EXOC5: variants seen among roughly 807,000 people sequenced by gnomAD.
The protein encoded by EXOC5 is exocyst complex component 5.
In EXOC5, 17 loss-of-function variants were observed where a neutral mutation model predicts 90.8. The observed-to-expected ratio is 0.19, with a 90% CI of 0.13 to 0.28. The LOEUF (loss-of-function observed/expected upper bound fraction) is 0.28, where lower values mean the gene tolerates loss of function less well. Among genes scored for constraint, EXOC5 ranks in the 10% least tolerant of loss-of-function variants. The pLI is 1.00. For missense variants in EXOC5, 569 were observed against 830.6 expected, an observed-to-expected ratio of 0.69 and a Z score of 3.87; for synonymous variants, 260 against 270.0, an observed-to-expected ratio of 0.96 and a Z score of 0.36.
At chr14:57,219,807 T>G (rs1380960500) in intron 13 of EXOC5, among the ~76,000 whole-genome samples, 1 of 152,172 alleles carries the variant, frequency 6.6e-6, no homozygotes, top group Non-Finnish European at 1.5e-5. Context: ...TCCTAGATAC[T>G]GCTGCCATAG....
chr14:57,263,739 T>TAAAAAAAAAAAAAAAAAAA (rs550651836), intron 1 of EXOC5, among the ~76,000 whole-genome samples: 2 of 39,364 alleles, frequency 5.1e-5, no homozygotes, highest in Non-Finnish European at 1.2e-4. Context: ...CACTCCAGCC[T>TAAAAAAAAAAAAAAAAAAA]AAAAAAAAAA....
At chr14:57,238,454 G>A (rs1388512289) in intron 5 of EXOC5, among the ~76,000 whole-genome samples, 1 of 149,506 alleles carries the variant, frequency 6.7e-6, no homozygotes, top group Non-Finnish European at 1.5e-5. Context: ...GTGTGTTCTG[G>A]AGTGGAAAAA....
At chr14:57,254,787 G>C (rs1348658617) in intron 1 of EXOC5, among the ~76,000 whole-genome samples, 2 of 152,292 alleles carry the variant, frequency 1.3e-5, no homozygotes, top group East Asian at 3.9e-4. Context: ...GCACAAAGAA[G>C]AGATTACGTG....
In EXOC5 at chr14:57,239,674, A is replaced by G. The variant is rs1175890638; in HGVS notation, c.466-15T>C. The G allele has an allele frequency of 2.7e-6, 4 of 1,462,672 alleles. No homozygotes were observed. In the Admixed American group the frequency reaches 1.0e-4, roughly 37 times the overall value. The allele number at this position is 1,462,672 out of a possible 1,614,324, so 90.6% of individuals were successfully genotyped here. On this transcript the variant is annotated splice_polypyrimidine_tract_variant and intron_variant, in intron 4 of 17. Transcript: ENST00000621441. ...GCTTCCTTTATCTATGAAAAAATAA[A>G]TAAAAGCAATAATTTAAAAAACTTT...
At chr14:57,253,115 G>A (rs536557379) in intron 1 of EXOC5, among the ~76,000 whole-genome samples, 1 of 152,108 alleles carries the variant, frequency 6.6e-6, no homozygotes, top group Non-Finnish European at 1.5e-5. Flanking sequence ...TAGATTGGTG[G>A]TTACCAAAGG....
chr14:57,245,678 A>G (rs1451299365), intron 3 of EXOC5, among the ~76,000 whole-genome samples: 2 of 152,182 alleles, frequency 1.3e-5, no homozygotes, highest in Non-Finnish European at 2.9e-5. Flanking sequence ...CTTTAGCAGC[A>G]ATCAGTTTGC....
In EXOC5 at chr14:57,201,496, GTA is replaced by G. The variant is rs1474334327; in HGVS notation, c.*7111_*7112del. 1 of 122,692 alleles carries G rather than the reference GTA, an allele frequency of 8.2e-6. No individual in the cohort carries two copies. Among genetic ancestry groups the G allele is most frequent in the Admixed American group, 7.5e-5 (1 of 13,276 alleles). The allele number at this position is 122,692 out of a possible 1,614,324, so 7.6% of individuals were successfully genotyped here. A position where few individuals can be genotyped will look rare whatever the true frequency, so the allele number is the denominator to read the frequency against. ...TACACACACGTGTATAAACACACGT[GTA>G]TATACACACACATATGTATATATAT... On this transcript the variant is annotated 3_prime_UTR_variant, in exon 18 of 18. Coordinates refer to ENST00000621441, the MANE Select transcript of EXOC5 (RefSeq NM_006544.4).
chr14:57,266,353 G>A (rs1594690345), intron 1 of EXOC5, among the ~76,000 whole-genome samples: 1 of 152,070 alleles, frequency 6.6e-6, no homozygotes, highest in East Asian at 1.9e-4. Flanking sequence ...CTCCCTCCAA[G>A]GCCAAGAGAT....
chr14:57,207,479 T>G lies in EXOC5; in HGVS notation c.*1130A>C, dbSNP rs141449787. 454 of 152,588 alleles carry G rather than the reference T, an allele frequency of 3.0e-3. No individual in the cohort carries two copies. Among genetic ancestry groups the G allele is most frequent in the Non-Finnish European group, 4.1e-3 (279 of 67,968 alleles). 9.5% of individuals were successfully genotyped at this position (152,588 alleles called of 1,614,324 possible). The stretch of plus-strand genomic sequence containing the variant: ...TGATATTTAAAATTTTATAAGTGAT[T>G]TATTATGTCATCAAATTAAGCCAAT... On this transcript the variant is annotated 3_prime_UTR_variant, in exon 18 of 18. Transcript: ENST00000621441.
At chr14:57,238,371 T>TACACACAC (rs1226294016) in intron 5 of EXOC5, among the ~76,000 whole-genome samples, 6 of 97,268 alleles carry the variant, frequency 6.2e-5, no homozygotes, top group Admixed American at 4.9e-4. Context: ...TATATATATA[T>TACACACAC]ATATACACAC....
intron 1 of EXOC5, 49 bp from the exon 2 acceptor site, chr14:57,247,761 T>G (rs1246607772): frequency 2.3e-6 from 2 of 874,700 alleles, no homozygotes; most frequent in Non-Finnish European, 3.4e-6. Flanking sequence ...TACAAGTACT[T>G]AATATTACTT....
chr14:57,239,350 AG>A (rs1160215406), intron 5 of EXOC5, among the ~76,000 whole-genome samples: 1 of 152,176 alleles, frequency 6.6e-6, no homozygotes, highest in African/African-American at 2.4e-5. Flanking sequence ...TTCAGGAGAC[AG>A]GGACTGAAAT....
intron 4 of EXOC5, among the ~76,000 whole-genome samples, chr14:57,241,143 C>A (rs1883846156): frequency 1.3e-5 from 2 of 152,124 alleles, no homozygotes; most frequent in Non-Finnish European, 2.9e-5. Flanking sequence ...CTTGAGACAC[C>A]ACGCCCTGCC....
At position 57,208,789 on chromosome 14, in the gene EXOC5, C is replaced by A; in HGVS notation, c.1947G>T (p.Met649Ile). ...RKCAKDFKIP[M>I]VLHLFDTLHA... ...GCAGAGTATCAAAAAGATGTAATAC[C>A]ATTGGAATCTGAATTGAGAGAAGAA... Residue 649 changes from methionine (M) to isoleucine (I), a missense_variant, in exon 18 of 18, where the codon ATG becomes ATT. This residue lies in a region of EXOC5 where 122 missense variants were observed against 180.0 expected (regional missense o/e 0.68). Transcript: ENST00000621441. The A allele has an allele frequency of 1.3e-6, 2 of 1,570,836 alleles. No homozygotes were observed. The highest frequency in any genetic ancestry group is 1.7e-6 in the Non-Finnish European group (2 of 1,146,314).
intron 1 of EXOC5, among the ~76,000 whole-genome samples, chr14:57,250,344 C>T (rs1884154459): frequency 6.6e-6 from 1 of 151,974 alleles, no homozygotes; most frequent in Non-Finnish European, 1.5e-5. Context: ...TGATATATTC[C>T]CTGTTATTGA....
chr14:57,228,707 G>A (rs1883387633), intron 12 of EXOC5, among the ~76,000 whole-genome samples: 1 of 151,836 alleles, frequency 6.6e-6, no homozygotes, highest in Non-Finnish European at 1.5e-5. Flanking sequence ...GCCTGTTGGG[G>A]GGGTGGGGGA....
chr14:57,250,803 T>C (rs1884167194), intron 1 of EXOC5, among the ~76,000 whole-genome samples: 1 of 152,174 alleles, frequency 6.6e-6, no homozygotes, highest in Non-Finnish European at 1.5e-5. Context: ...AGGTAGCTAA[T>C]CATGCAGGAT....
Position 57,204,883 on chromosome 14 carries a change from T to C in EXOC5, c.*3726A>G, listed in dbSNP as rs939766667. 5 of 152,304 alleles carry C rather than the reference T, an allele frequency of 3.3e-5. No individual in the cohort carries two copies. Among genetic ancestry groups the C allele is most frequent in the Non-Finnish European group, 5.9e-5 (4 of 67,900 alleles). The allele number at this position is 152,304 out of a possible 1,614,324, so 9.4% of individuals were successfully genotyped here. A position where few individuals can be genotyped will look rare whatever the true frequency, so the allele number is the denominator to read the frequency against. On this transcript the variant is annotated 3_prime_UTR_variant, in exon 18 of 18. Coordinates refer to ENST00000621441, the MANE Select transcript of EXOC5 (RefSeq NM_006544.4). ...TATAAATACTACAATAAGAATCATA[T>C]TGGAAGCAACGATTAAGCAAAACTA...
intron 15 of EXOC5, among the ~76,000 whole-genome samples, chr14:57,210,621 A>G (rs1027318687): frequency 2.0e-5 from 3 of 152,202 alleles, no homozygotes; most frequent in African/African-American, 7.2e-5. Flanking sequence ...ATCAGAAAGC[A>G]AAGATGTCAC....
Sources: gnomAD v4.1 joint callset for allele counts (sites outside exome capture counted in the v4.1 genomes callset) on GRCh38, gnomAD v4.1.1 for gene constraint, gnomAD v4.1.1 regional missense constraint, MANE v1.5 for transcripts, NCBI Gene and HGNC (gene_info 2026-07-23, HGNC 2026-07-21) for gene names.